Variants in SCFD2 observed in about 807,000 individuals in gnomAD.
SCFD2 encodes the protein sec1 family domain-containing protein 2.
A neutral mutation model predicts 58.9 loss-of-function variants in SCFD2; 54 were observed. That is an observed-to-expected ratio of 0.92 (90% confidence interval 0.74 to 1.15). SCFD2 has a LOEUF of 1.15. Among genes scored for constraint, SCFD2 ranks in the 50% most tolerant of loss-of-function variants. The probability of loss-of-function intolerance (pLI) is 0.00; values close to 1 mark genes in which losing one functional copy is unlikely to be tolerated. For missense variants in SCFD2, 805 were observed against 836.6 expected, an observed-to-expected ratio of 0.96 and a Z score of 0.47; for synonymous variants, 321 against 335.9, an observed-to-expected ratio of 0.96 and a Z score of 0.49.
At chr4:53,226,976 T>G (rs1204470045) in intron 4 of SCFD2, among the ~76,000 whole-genome samples, 1 of 152,208 alleles carries the variant, frequency 6.6e-6, no homozygotes, top group Non-Finnish European at 1.5e-5. Context: ...CCTAATGAGG[T>G]GCATTTCAGC....
intron 7 of SCFD2, among the ~76,000 whole-genome samples, chr4:52,887,254 A>G (rs1045081491): frequency 6.6e-6 from 1 of 152,218 alleles, no homozygotes; most frequent in Admixed American, 6.5e-5. Context: ...TACAGCCCTT[A>G]ACTTCTTCAA....
At chr4:52,958,557 C>T (rs367981397) in intron 5 of SCFD2, among the ~76,000 whole-genome samples, 3 of 152,110 alleles carry the variant, frequency 2.0e-5, no homozygotes, top group African/African-American at 4.8e-5. Context: ...TGACGTTCAT[C>T]GGCTTACCGT....
intron 5 of SCFD2, among the ~76,000 whole-genome samples, chr4:53,004,854 C>T (rs1721939241): frequency 6.6e-6 from 1 of 152,048 alleles, no homozygotes; most frequent in Admixed American, 6.6e-5. Context: ...ATCCATTCCC[C>T]CAGCACCCAT....
chr4:53,337,177 T>C (rs1429520978), intron 2 of SCFD2, among the ~76,000 whole-genome samples: 2 of 152,212 alleles, frequency 1.3e-5, no homozygotes, highest in Non-Finnish European at 2.9e-5. Context: ...CCAAGGCCCC[T>C]TTCTTTGGCT....
intron 5 of SCFD2, among the ~76,000 whole-genome samples, chr4:53,080,377 A>G (rs1224546653): frequency 1.3e-5 from 2 of 152,218 alleles, no homozygotes; most frequent in Non-Finnish European, 2.9e-5. Context: ...GTTGTTTTAT[A>G]GGATATTTTG....
chr4:53,330,792 CAG>C (rs1164833046), intron 2 of SCFD2, among the ~76,000 whole-genome samples: 30 of 152,142 alleles, frequency 2.0e-4, no homozygotes, highest in Admixed American at 1.8e-3. Flanking sequence ...TTAAAAGACA[CAG>C]ACTGGCAAAT....
At chr4:53,340,599 T>C (rs1733835336) in intron 2 of SCFD2, among the ~76,000 whole-genome samples, 1 of 152,176 alleles carries the variant, frequency 6.6e-6, no homozygotes, top group Admixed American at 6.5e-5. Context: ...GTCTGACAGC[T>C]TTGAAGAGAG....
In SCFD2 at chr4:52,955,515, G is replaced by A. The variant is rs531846679; in HGVS notation, c.1562-34645C>T. On this transcript the variant is annotated intron_variant, in intron 5 of 8. Coordinates refer to ENST00000401642, the MANE Select transcript of SCFD2 (RefSeq NM_152540.4). ...CTATAAAATAGGTGCTGTGCCTAGC[G>A]TCAGTTTTCATGCGTGGGAACTGAG... Among the ~76,000 whole-genome samples the A allele has an allele frequency of 9.1e-4, 138 of 152,280 alleles. 1 individual carries two copies. The highest frequency in any genetic ancestry group is 3.0e-3 in the African/African-American group (125 of 41,556).
At chr4:53,192,764 C>A (rs1265808778) in intron 4 of SCFD2, among the ~76,000 whole-genome samples, 2 of 152,084 alleles carry the variant, frequency 1.3e-5, no homozygotes, top group Non-Finnish European at 1.5e-5. Context: ...CATGGAAGAG[C>A]TGTCACTGTA....
chr4:53,295,602 C>T (rs182232668), intron 3 of SCFD2, among the ~76,000 whole-genome samples: 2 of 152,304 alleles, frequency 1.3e-5, no homozygotes, highest in African/African-American at 2.4e-5. Flanking sequence ...ATTTGACTTC[C>T]TCTCTTCCTA....
intron 4 of SCFD2, among the ~76,000 whole-genome samples, chr4:53,270,129 A>G (rs1731115392): frequency 6.6e-6 from 1 of 152,186 alleles, no homozygotes; most frequent in Non-Finnish European, 1.5e-5. Flanking sequence ...GTGTGTGTGC[A>G]TATGTTTACA....
rs760374908 is a variant in SCFD2, at chr4:53,352,656, G to A, written c.949C>T (p.Leu317Phe). Reference protein sequence around the residue: ...VMVNMIALTALHTEEENYNVV... With the variant: ...VMVNMIALTAFHTEEENYNVV... ...TTATAATTTTCCTCCTCAGTATGGA[G>A]TGCAGTGAGCGCTATCATGTTAACC... Residue 317 changes from leucine (L) to phenylalanine (F), a missense_variant, in exon 2 of 9, where the codon CTC (leucine) becomes TTC (phenylalanine). Transcript: ENST00000401642. 4 of 1,613,968 alleles carry A rather than the reference G, an allele frequency of 2.5e-6. No homozygotes were observed. In the Admixed American group the frequency reaches 6.7e-5, roughly 27 times the overall value.
intron 5 of SCFD2, among the ~76,000 whole-genome samples, chr4:53,038,735 G>A (rs1722824744): frequency 6.6e-6 from 1 of 151,214 alleles, no homozygotes; most frequent in Non-Finnish European, 1.5e-5. Flanking sequence ...TGCATTCATA[G>A]TGGAATACAG....
chr4:53,097,436 T>C (rs564659271), intron 5 of SCFD2, among the ~76,000 whole-genome samples: 3 of 152,350 alleles, frequency 2.0e-5, no homozygotes, highest in South Asian at 2.1e-4. Flanking sequence ...TTCACATCCC[T>C]TGTAAATTGG....
intron 5 of SCFD2, chr4:52,950,731 G>T (rs888316818): frequency 6.6e-6 from 1 of 152,046 alleles, no homozygotes; most frequent in Admixed American, 6.6e-5. Flanking sequence ...AAGAGACTTG[G>T]GGATATAGTG....
chr4:53,248,895 C>T (rs541587997), intron 4 of SCFD2, among the ~76,000 whole-genome samples: 9 of 152,182 alleles, frequency 5.9e-5, no homozygotes, highest in East Asian at 3.8e-4. Flanking sequence ...AAAAGCAGAG[C>T]GCCTCTCCTC....
At chr4:53,000,226 C>G (rs767051504) in intron 5 of SCFD2, among the ~76,000 whole-genome samples, 5 of 152,176 alleles carry the variant, frequency 3.3e-5, no homozygotes, top group Non-Finnish European at 7.4e-5. Flanking sequence ...AGAAAAGCCT[C>G]GTACCTGGAA....
At chr4:52,923,586 C>T (rs1457797748) in intron 5 of SCFD2, among the ~76,000 whole-genome samples, 3 of 152,050 alleles carry the variant, frequency 2.0e-5, no homozygotes, top group Non-Finnish European at 4.4e-5. Context: ...GATTCATAGA[C>T]TGCAGGGGAT....
chr4:53,263,381 G>T (rs1417764530), intron 4 of SCFD2, among the ~76,000 whole-genome samples: 1 of 152,168 alleles, frequency 6.6e-6, no homozygotes, highest in African/African-American at 2.4e-5. Flanking sequence ...GGTAAACTAT[G>T]TCAGAGGGAA....
Sources: gnomAD v4.1 joint callset for allele counts (sites outside exome capture counted in the v4.1 genomes callset) on GRCh38, gnomAD v4.1.1 for gene constraint, MANE v1.5 for transcripts, NCBI Gene and HGNC (gene_info 2026-07-23, HGNC 2026-07-21) for gene names.